Variants in ABTB2 observed in about 807,000 individuals in gnomAD.
ABTB2 encodes ankyrin repeat and BTB/POZ domain-containing protein 2.
A neutral mutation model predicts 104.1 loss-of-function variants in ABTB2; 56 were observed. The ratio of observed to expected loss-of-function variants is 0.54; its 90% CI spans 0.43 to 0.67. ABTB2 has a LOEUF of 0.67. Ranked by LOEUF, ABTB2 falls within the 30% of genes least tolerant of loss-of-function variation. ABTB2 has a pLI of 0.00. For synonymous variants in ABTB2, 606 were observed against 608.2 expected, an observed-to-expected ratio of 1.00 and a Z score of 0.05; for missense variants, 1,279 against 1,407.7, an observed-to-expected ratio of 0.91 and a Z score of 1.46.
At chr11:34,174,756 T>C (rs1852939674) in intron 3 of ABTB2, among the ~76,000 whole-genome samples, 5 of 152,274 alleles carry the variant, frequency 3.3e-5, no homozygotes, top group Admixed American at 3.3e-4. Context: ...CCACCTGCTC[T>C]GCCCAGAATG....
intron 1 of ABTB2, among the ~76,000 whole-genome samples, chr11:34,224,302 G>A (rs1040834071): frequency 6.6e-6 from 1 of 152,046 alleles, no homozygotes; most frequent in African/African-American, 2.4e-5. Flanking sequence ...AGGCCACCAT[G>A]CCCAGCCTAA....
chr11:34,319,730 G>A (rs545246745), intron 1 of ABTB2, among the ~76,000 whole-genome samples: 18 of 152,206 alleles, frequency 1.2e-4, no homozygotes, highest in African/African-American at 2.9e-4. Flanking sequence ...GTTCAGTGGC[G>A]TGATCTCTGC....
At chr11:34,251,897 T>C (rs574615675) in intron 1 of ABTB2, among the ~76,000 whole-genome samples, 1 of 152,236 alleles carries the variant, frequency 6.6e-6, no homozygotes, top group East Asian at 1.9e-4. Flanking sequence ...TTCCTGGTAT[T>C]GTTTTCCTCT....
intron 3 of ABTB2, among the ~76,000 whole-genome samples, chr11:34,183,189 C>A (rs1240704398): frequency 7.2e-5 from 11 of 152,126 alleles, no homozygotes; most frequent in Non-Finnish European, 1.5e-4. Context: ...TAGCCTCAAC[C>A]TCCTCTGCTC....
chr11:34,250,482 G>C (rs1280144349), intron 1 of ABTB2, among the ~76,000 whole-genome samples: 1 of 152,314 alleles, frequency 6.6e-6, no homozygotes, highest in African/African-American at 2.4e-5. Context: ...TCTCATGGGA[G>C]AAAACAAGTG....
chr11:34,259,100 G>T (rs1213120354), intron 1 of ABTB2, among the ~76,000 whole-genome samples: 1 of 152,210 alleles, frequency 6.6e-6, no homozygotes. Flanking sequence ...AATTCTTGCT[G>T]TTGTTACTGT....
At chr11:34,274,006 G>A (rs12362916) in intron 1 of ABTB2, among the ~76,000 whole-genome samples, 10 of 148,976 alleles carry the variant, frequency 6.7e-5, no homozygotes, top group African/African-American at 2.5e-4. Flanking sequence ...CAAAAAATTA[G>A]CCGGGCACGG....
intron 1 of ABTB2, among the ~76,000 whole-genome samples, chr11:34,225,262 AGCCTGGT>A (rs1054899260): frequency 4.0e-5 from 6 of 151,788 alleles, no homozygotes; most frequent in Non-Finnish European, 8.8e-5. Flanking sequence ...TGGGCTTGTC[AGCCTGGT>A]CTCCAGCTCT....
At chr11:34,292,015 C>T (rs527244928) in intron 1 of ABTB2, among the ~76,000 whole-genome samples, 255 of 152,062 alleles carry the variant, frequency 1.7e-3, no homozygotes, top group Admixed American at 3.4e-3. Context: ...AAACATAAGC[C>T]ATATATACTA....
At chr11:34,251,245 G>A (rs1854052211) in intron 1 of ABTB2, among the ~76,000 whole-genome samples, 1 of 152,240 alleles carries the variant, frequency 6.6e-6, no homozygotes, top group Non-Finnish European at 1.5e-5. Context: ...CGTGGGCTCT[G>A]CACCCTGATT....
rs755706606 is a variant in ABTB2, at chr11:34,154,277, G to GTAGGT, written c.2863_2867dup (p.Tyr956Ter). 6.2e-7 allele frequency: 1 copy of GTAGGT among 1,613,698 alleles called. No individual in the cohort carries two copies. The highest frequency in any genetic ancestry group is 1.1e-5 in the South Asian group (1 of 91,008). ...CCTTGGCCCTCACCTTGGCATATTT[G>GTAGGT]TAGGTGTTCACGGCACTCTCCATGC... On this transcript the variant is annotated stop_gained and frameshift_variant, in exon 16 of 17. Transcript: ENST00000435224. LOFTEE classifies it high-confidence loss of function. The surrounding 1 kb of genome is among the most constrained non-coding windows in gnomAD (Gnocchi z 4.9).
rs1565137942 is a variant in ABTB2, at chr11:34,196,155, G to C, written c.1244+1170C>G. 5.9e-5 allele frequency among the ~76,000 whole-genome samples: 9 copies of C among 152,292 alleles called. No homozygotes were observed. In the South Asian group the frequency reaches 1.9e-3, roughly 32 times the overall value. Reference sequence around the variant, plus strand: ...TGGCCAAGCAGTGGCCTCCATGTGAGGCTCATGCCAGCATATACAATGTTT... The same window carrying C: ...TGGCCAAGCAGTGGCCTCCATGTGACGCTCATGCCAGCATATACAATGTTT... On this transcript the variant is annotated intron_variant, in intron 3 of 16. Coordinates refer to ENST00000435224, the MANE Select transcript of ABTB2 (RefSeq NM_145804.3).
intron 6 of ABTB2, among the ~76,000 whole-genome samples, chr11:34,167,694 C>T (rs1182125902): frequency 2.6e-5 from 4 of 152,230 alleles, no homozygotes; most frequent in Non-Finnish European, 4.4e-5. Context: ...CACTCACTCC[C>T]GCCTCAGTCC....
intron 1 of ABTB2, among the ~76,000 whole-genome samples, chr11:34,350,701 C>G (rs1167774967): frequency 6.6e-6 from 1 of 152,188 alleles, no homozygotes; most frequent in African/African-American, 2.4e-5. Context: ...ACACCATAGG[C>G]CATTAACAAA....
At chr11:34,171,522 C>T (rs1590206075) in intron 4 of ABTB2, among the ~76,000 whole-genome samples, 2 of 152,052 alleles carry the variant, frequency 1.3e-5, no homozygotes, top group South Asian at 2.1e-4. Flanking sequence ...TGCAGTGAGC[C>T]GAGATTGTGC....
intron 1 of ABTB2, among the ~76,000 whole-genome samples, chr11:34,310,569 C>T (rs1298614923): frequency 6.6e-6 from 1 of 152,110 alleles, no homozygotes; most frequent in Non-Finnish European, 1.5e-5. Context: ...GTTCTGACCA[C>T]ATCAACCTCC....
intron 1 of ABTB2, among the ~76,000 whole-genome samples, chr11:34,290,419 C>T (rs750529490): frequency 1.3e-5 from 2 of 152,218 alleles, no homozygotes; most frequent in Non-Finnish European, 2.9e-5. Flanking sequence ...ACTTGGTAAA[C>T]TTTAAATGTG....
At chr11:34,299,643 G>A (rs1436132164) in intron 1 of ABTB2, among the ~76,000 whole-genome samples, 4 of 152,164 alleles carry the variant, frequency 2.6e-5, no homozygotes, top group Non-Finnish European at 4.4e-5. Flanking sequence ...TCAGGAGGAC[G>A]GATTTTTTCA....
chr11:34,267,916 T>A (rs910441797), intron 1 of ABTB2, among the ~76,000 whole-genome samples: 7 of 152,232 alleles, frequency 4.6e-5, no homozygotes, highest in African/African-American at 1.7e-4. Context: ...CAAATGTATG[T>A]AAAACATGCT....
Sources: gnomAD v4.1 joint callset for allele counts (sites outside exome capture counted in the v4.1 genomes callset) on GRCh38, gnomAD v4.1.1 for gene constraint, Gnocchi (gnomAD v3.1) non-coding constraint, MANE v1.5 for transcripts, NCBI Gene and HGNC (gene_info 2026-07-23, HGNC 2026-07-21) for gene names.